Variants in DPYSL2 observed in about 807,000 individuals in gnomAD.
DPYSL2 encodes the protein dihydropyrimidinase like 2, also known as dihydropyrimidinase-related protein 2.
A neutral mutation model predicts 69.9 loss-of-function variants in DPYSL2; 13 were observed. The observed-to-expected ratio is 0.19, with a 90% CI of 0.12 to 0.30. The LOEUF (loss-of-function observed/expected upper bound fraction) is 0.30, where lower values mean the gene tolerates loss of function less well. DPYSL2 is among the 10% of genes least tolerant of loss of function. The pLI is 1.00. For missense variants in DPYSL2, 587 were observed against 918.9 expected (o/e 0.64, Z 4.67); for synonymous variants, 326 against 359.1 (o/e 0.91, Z 1.04).
intron 3 of DPYSL2, among the ~76,000 whole-genome samples, chr8:26,595,955 AGTTT>A (rs1408975831): frequency 6.6e-6 from 1 of 151,354 alleles, no homozygotes; most frequent in Non-Finnish European, 1.5e-5. Context: ...TTCAGCTGGG[AGTTT>A]GTTTTTTTTT....
At chr8:26,566,298 G>C (rs1801147423) in intron 1 of DPYSL2, among the ~76,000 whole-genome samples, 1 of 152,128 alleles carries the variant, frequency 6.6e-6, no homozygotes, top group Non-Finnish European at 1.5e-5. Context: ...TCTTGGAAGG[G>C]GCCTGGGCTC....
intron 7 of DPYSL2, among the ~76,000 whole-genome samples, chr8:26,629,497 A>G (rs1054548147): frequency 1.3e-5 from 2 of 152,180 alleles, no homozygotes; most frequent in African/African-American, 2.4e-5. Context: ...CATTTTCAGG[A>G]TTGCACGTTC....
intron 3 of DPYSL2, among the ~76,000 whole-genome samples, chr8:26,595,924 G>A (rs1801850829): frequency 6.6e-6 from 1 of 152,080 alleles, no homozygotes. Flanking sequence ...GTGTGGACAG[G>A]CATATCTCAT....
chr8:26,611,205 TCTGTC>T (rs1243244899), intron 3 of DPYSL2, among the ~76,000 whole-genome samples: 1 of 152,248 alleles, frequency 6.6e-6, no homozygotes, highest in East Asian at 1.9e-4. Context: ...CTTGTGGCTT[TCTGTC>T]CTGTCCTTGT....
In DPYSL2 at chr8:26,654,677, A is replaced by G. The variant is rs1803344182; in HGVS notation, c.1943-938A>G. Among the ~76,000 whole-genome samples, 1 of 152,206 alleles carries G rather than the reference A, an allele frequency of 6.6e-6. No individual in the cohort carries two copies. On this transcript the variant is annotated intron_variant, in intron 13 of 13. Transcript: ENST00000521913. This position sits in a 1 kb window ranked among gnomAD's most constrained non-coding sequence, Gnocchi z 5.0. Reference sequence around the variant, plus strand: ...AGAGGGCTATGTCCTCAGAAAAGCCACAGCCAATTTGACTAATCAGAACAG... The same window carrying G: ...AGAGGGCTATGTCCTCAGAAAAGCCGCAGCCAATTTGACTAATCAGAACAG...
At chr8:26,552,647 G>A (rs989907710) in intron 1 of DPYSL2, among the ~76,000 whole-genome samples, 4 of 152,168 alleles carry the variant, frequency 2.6e-5, no homozygotes, top group African/African-American at 9.7e-5. Context: ...GTTCTGAGGA[G>A]GTGCAGGGCA....
chr8:26,537,996 A>G (rs1315383169), intron 1 of DPYSL2, among the ~76,000 whole-genome samples: 1 of 152,190 alleles, frequency 6.6e-6, no homozygotes, highest in African/African-American at 2.4e-5. Context: ...CTCAGTTTGG[A>G]ATCATCCGAT....
chr8:26,645,543 G>A (rs1315196869), intron 10 of DPYSL2, among the ~76,000 whole-genome samples: 1 of 152,090 alleles, frequency 6.6e-6, no homozygotes. Flanking sequence ...TTCCATGTGA[G>A]TGCTAAACTG....
At chr8:26,630,900 C>G (rs1337871926) in intron 7 of DPYSL2, among the ~76,000 whole-genome samples, 1 of 152,202 alleles carries the variant, frequency 6.6e-6, no homozygotes, top group Non-Finnish European at 1.5e-5. Context: ...TCCTGCTTTC[C>G]TCCCGTTTGG....
At chr8:26,628,155 G>A (rs201842218) in intron 7 of DPYSL2, among the ~76,000 whole-genome samples, 1 of 152,184 alleles carries the variant, frequency 6.6e-6, no homozygotes, top group Non-Finnish European at 1.5e-5. Context: ...GGACTGTTTC[G>A]CCAGAAGATT....
At chr8:26,551,490 T>C (rs1362445708) in intron 1 of DPYSL2, among the ~76,000 whole-genome samples, 1 of 152,194 alleles carries the variant, frequency 6.6e-6, no homozygotes, top group East Asian at 1.9e-4. Context: ...AGTATAGTTA[T>C]AGACTTCAAC....
intron 3 of DPYSL2, among the ~76,000 whole-genome samples, chr8:26,601,301 G>T (rs752227132): frequency 3.9e-5 from 6 of 152,188 alleles, no homozygotes; most frequent in Non-Finnish European, 5.9e-5. Context: ...GGACTCAGAT[G>T]ATGGTCATCT....
chr8:26,569,297 T>G lies in DPYSL2; in HGVS notation c.355-12672T>G, dbSNP rs193148372. The stretch of plus-strand genomic sequence containing the variant: ...TGAGCCTAGGAGTTTGAGGCTGCAG[T>G]GAGCTATGCTCATGCCACGGCACTC... On this transcript the variant is annotated intron_variant, in intron 1 of 13. Coordinates refer to ENST00000521913, the MANE Select transcript of DPYSL2 (RefSeq NM_001197293.3). 6.3e-5 allele frequency among the ~76,000 whole-genome samples: 9 copies of G among 142,990 alleles called. No homozygotes were observed. The East Asian group carries it at 1.9e-3, about 30-fold the overall frequency. 93.8% of individuals were successfully genotyped at this position (142,990 alleles called of 152,430 possible).
At chr8:26,645,731 G>A (rs1328922759) in intron 10 of DPYSL2, among the ~76,000 whole-genome samples, 2 of 152,042 alleles carry the variant, frequency 1.3e-5, no homozygotes, top group African/African-American at 2.4e-5. Context: ...TGTATTTTTA[G>A]TAGAGACAGG....
chr8:26,583,771 A>G (rs376929428), intron 2 of DPYSL2, 28 bp from the exon 3 acceptor site: 20 of 1,587,994 alleles, frequency 1.3e-5, no homozygotes, highest in East Asian at 2.2e-5. Context: ...TTCATTTACA[A>G]CCCTTATCAC....
chr8:26,572,477 T>A (rs1801253481), intron 1 of DPYSL2, among the ~76,000 whole-genome samples: 1 of 152,140 alleles, frequency 6.6e-6, no homozygotes, highest in Non-Finnish European at 1.5e-5. Flanking sequence ...TCAGGCCCTC[T>A]GTAAGGATAA....
chr8:26,639,477 A>G (rs1183145346), intron 8 of DPYSL2, among the ~76,000 whole-genome samples: 2 of 152,130 alleles, frequency 1.3e-5, no homozygotes, highest in African/African-American at 2.4e-5. Context: ...TTGCATTGTA[A>G]TTCAGCCACT....
intron 3 of DPYSL2, among the ~76,000 whole-genome samples, chr8:26,596,235 C>A (rs573166936): frequency 6.6e-6 from 1 of 152,182 alleles, no homozygotes; most frequent in Admixed American, 6.5e-5. Flanking sequence ...GCATTGGTGG[C>A]GTGTTGTTGT....
intron 1 of DPYSL2, chr8:26,577,827 T>C: frequency 4.8e-6 from 5 of 1,043,600 alleles, no homozygotes; most frequent in Non-Finnish European, 5.8e-6. Flanking sequence ...AATTTGCATA[T>C]CCCAGGATCG....
Sources: allele counts gnomAD v4.1 joint callset (sites outside exome capture counted in the v4.1 genomes callset), GRCh38; gene constraint gnomAD v4.1.1; non-coding constraint Gnocchi (gnomAD v3.1); transcripts MANE v1.5; gene names NCBI Gene and HGNC (gene_info 2026-07-23, HGNC 2026-07-21).